The following GHR variants were observed in gnomAD, a reference collection of about 807,000 sequenced individuals.
The protein encoded by GHR is growth hormone receptor.
A neutral mutation model predicts 67.1 loss-of-function variants in GHR; 35 were observed. The ratio of observed to expected loss-of-function variants is 0.52; its 90% CI spans 0.40 to 0.69. The LOEUF is 0.69. Ranked by LOEUF, GHR falls within the 30% of genes least tolerant of loss-of-function variation. GHR has a pLI of 0.00. For synonymous variants in GHR, 272 were observed against 269.1 expected, an observed-to-expected ratio of 1.01 and a Z score of -0.10; for missense variants, 792 against 764.6, an observed-to-expected ratio of 1.04 and a Z score of -0.42.
At chr5:42,619,067 A>C (rs984316275) in intron 2 of GHR, among the ~76,000 whole-genome samples, 2 of 152,120 alleles carry the variant, frequency 1.3e-5, no homozygotes, top group African/African-American at 2.4e-5. Context: ...GCCACATACC[A>C]CATAGCTTAA....
chr5:42,483,558 T>A (rs760241561), intron 1 of GHR, among the ~76,000 whole-genome samples: 48 of 152,212 alleles, frequency 3.2e-4, no homozygotes, highest in Admixed American at 1.4e-3. Flanking sequence ...TTATTGGTAT[T>A]GATAATTATT....
At chr5:42,429,927 G>T (rs1294918384) in intron 1 of GHR, among the ~76,000 whole-genome samples, 1 of 152,216 alleles carries the variant, frequency 6.6e-6, no homozygotes, top group Non-Finnish European at 1.5e-5. Context: ...CAGAGAGTAT[G>T]CCATCTGGCC....
At chr5:42,673,211 C>T (rs1366930625) in intron 3 of GHR, among the ~76,000 whole-genome samples, 1 of 152,048 alleles carries the variant, frequency 6.6e-6, no homozygotes, top group African/African-American at 2.4e-5. Context: ...CAATAATATG[C>T]TATATCACAC....
At chr5:42,541,196 A>G (rs1181324422) in intron 1 of GHR, among the ~76,000 whole-genome samples, 1 of 152,180 alleles carries the variant, frequency 6.6e-6, no homozygotes, top group African/African-American at 2.4e-5. Flanking sequence ...TAGAGAACAG[A>G]GATGATAAAC....
At chr5:42,490,295 G>T (rs912773909) in intron 1 of GHR, among the ~76,000 whole-genome samples, 1 of 152,208 alleles carries the variant, frequency 6.6e-6, no homozygotes, top group Non-Finnish European at 1.5e-5. Context: ...ACAATTTTGT[G>T]CATAGAGAGA....
chr5:42,475,655 A>C (rs1417554152), intron 1 of GHR, among the ~76,000 whole-genome samples: 1 of 151,714 alleles, frequency 6.6e-6, no homozygotes, highest in Non-Finnish European at 1.5e-5. Flanking sequence ...AAAAACATGG[A>C]TCTTCCACTG....
chr5:42,710,550 T>C (rs1477241477), intron 6 of GHR, among the ~76,000 whole-genome samples: 1 of 152,014 alleles, frequency 6.6e-6, no homozygotes, highest in African/African-American at 2.4e-5. Context: ...TTGTGAGACC[T>C]AGATGTTTCT....
At position 42,719,005 on chromosome 5, in the gene GHR, G is replaced by A. The variant is rs763317932; in HGVS notation, c.1498G>A (p.Val500Ile). 4.4e-6 allele frequency: 7 copies of A among 1,607,940 alleles called. No individual in the cohort carries two copies. Among genetic ancestry groups the A allele is most frequent in the South Asian group, 1.1e-5 (1 of 90,320 alleles). ...CGACATTACACCAGCAGGTAGTGTG[G>A]TCCTTTCCCCGGGCCAAAAGAATAA... ...VSDITPAGSV[V>I]LSPGQKNKAG... Residue 500 changes from valine to isoleucine, a missense_variant, in exon 10 of 10, where the codon GTC (valine) becomes ATC (isoleucine). By Grantham distance (29) the Val-to-Ile change is conservative (BLOSUM62 3). Transcript: ENST00000230882.
intron 3 of GHR, among the ~76,000 whole-genome samples, chr5:42,658,672 ATG>A (rs1348732658): frequency 6.6e-6 from 1 of 152,086 alleles, no homozygotes; most frequent in East Asian, 1.9e-4. Context: ...ACATTTGGCA[ATG>A]TCTAGAGACA....
chr5:42,624,046 C>T (rs1580076690), intron 2 of GHR, among the ~76,000 whole-genome samples: 1 of 152,150 alleles, frequency 6.6e-6, no homozygotes, highest in South Asian at 2.1e-4. Flanking sequence ...TTAACCAGCA[C>T]CCTTAGCATA....
In GHR at chr5:42,424,393, C is replaced by G. The variant is rs1157071050; in HGVS notation, c.-12+438C>G. ...CTGTTTGCCATCATCTGCCTGGCTG[C>G]GGCAGGAACTGCCGAGGCTGCTGCT... On this transcript the variant is annotated intron_variant, in intron 1 of 9. Coordinates refer to ENST00000230882, the MANE Select transcript of GHR (RefSeq NM_000163.5). This position sits in a 1 kb window ranked among gnomAD's most constrained non-coding sequence, Gnocchi z 4.1. 14 of 598,236 alleles carry G rather than the reference C, an allele frequency of 2.3e-5. No individual in the cohort carries two copies. In the East Asian group the frequency reaches 3.0e-4, roughly 13 times the overall value. The allele number at this position is 598,236 out of a possible 1,614,324, so 37.1% of individuals were successfully genotyped here.
At chr5:42,538,914 A>G (rs916852728) in intron 1 of GHR, among the ~76,000 whole-genome samples, 10 of 152,122 alleles carry the variant, frequency 6.6e-5, no homozygotes, top group Admixed American at 5.9e-4. Flanking sequence ...GGGTTAATTC[A>G]AAGACCTTGT....
intron 3 of GHR, among the ~76,000 whole-genome samples, chr5:42,663,218 G>C (rs1298642164): frequency 4.6e-5 from 7 of 152,164 alleles, no homozygotes; most frequent in African/African-American, 1.7e-4. Context: ...AATAGAAAAA[G>C]AAGGAATCCT....
intron 1 of GHR, among the ~76,000 whole-genome samples, chr5:42,552,544 A>G (rs375662194): frequency 6.6e-6 from 1 of 152,202 alleles, no homozygotes; most frequent in Admixed American, 6.5e-5. Flanking sequence ...TTAAAAATAA[A>G]TAAATTGTAT....
At chr5:42,716,948 A>G (rs1758754282) in intron 8 of GHR, among the ~76,000 whole-genome samples, 1 of 152,208 alleles carries the variant, frequency 6.6e-6, no homozygotes, top group African/African-American at 2.4e-5. Context: ...GTTTTTTAAA[A>G]AATTAAATGA....
At chr5:42,593,831 GA>G (rs1751926635) in intron 2 of GHR, among the ~76,000 whole-genome samples, 1 of 152,148 alleles carries the variant, frequency 6.6e-6, no homozygotes, top group Non-Finnish European at 1.5e-5. Context: ...TCCTGGTTGG[GA>G]AATCAGATGC....
At chr5:42,664,813 C>T (rs1755866243) in intron 3 of GHR, among the ~76,000 whole-genome samples, 1 of 152,060 alleles carries the variant, frequency 6.6e-6, no homozygotes, top group African/African-American at 2.4e-5. Context: ...AGGCAGCCTA[C>T]AAAATGGGAG....
Position 42,718,124 on chromosome 5 carries a change from A to G in GHR, c.945+3A>G, listed in dbSNP as rs1561254582. On this transcript the variant is annotated splice_donor_region_variant and intron_variant, in intron 9 of 9. Transcript: ENST00000230882. The stretch of plus-strand genomic sequence containing the variant: ...GAATCGATCCAGATCTCCTCAAGGT[A>G]ACTAATAATTTTATCTAAATTGTAG... 3 of 1,424,354 alleles carry G rather than the reference A, an allele frequency of 2.1e-6. No homozygotes were observed. The Admixed American group carries it at 5.0e-5, about 24-fold the overall frequency. 88.2% of individuals were successfully genotyped at this position (1,424,354 alleles called of 1,614,324 possible).
At chr5:42,486,703 C>T (rs1390574864) in intron 1 of GHR, among the ~76,000 whole-genome samples, 1 of 152,024 alleles carries the variant, frequency 6.6e-6, no homozygotes, top group African/African-American at 2.4e-5. Context: ...AAAAATTAAC[C>T]GGGCGTCGTG....
Sources: gnomAD v4.1 joint callset for allele counts (sites outside exome capture counted in the v4.1 genomes callset) on GRCh38, gnomAD v4.1.1 for gene constraint, Gnocchi (gnomAD v3.1) non-coding constraint, MANE v1.5 for transcripts, NCBI Gene and HGNC (gene_info 2026-07-23, HGNC 2026-07-21) for gene names.